NBEA: variants seen among roughly 807,000 people sequenced by gnomAD.
The protein encoded by NBEA is lysosomal-trafficking regulator 2.
Under a neutral mutation model 343.4 loss-of-function variants are expected in NBEA, and 44 were observed. That is an observed-to-expected ratio of 0.13 (90% confidence interval 0.10 to 0.16). The LOEUF (loss-of-function observed/expected upper bound fraction) is 0.16. Ranked by LOEUF, NBEA falls within the 10% of genes least tolerant of loss-of-function variation. NBEA has a pLI of 1.00. For missense variants in NBEA, 2,555 were observed against 3,631.3 expected, an observed-to-expected ratio of 0.70 and a Z score of 7.62; for synonymous variants, 1,175 against 1,238.7, an observed-to-expected ratio of 0.95 and a Z score of 1.08.
At chr13:35,228,598 G>A (rs752062945) in intron 33 of NBEA, among the ~76,000 whole-genome samples, 12 of 151,898 alleles carry the variant, frequency 7.9e-5, no homozygotes, top group Non-Finnish European at 1.2e-4. Flanking sequence ...ATGTCCATGT[G>A]TATACATCAT....
intron 44 of NBEA, among the ~76,000 whole-genome samples, chr13:35,562,537 T>G (rs2079907344): frequency 6.6e-6 from 1 of 152,056 alleles, no homozygotes; most frequent in South Asian, 2.1e-4. Context: ...TCAGCACAAC[T>G]TCTCCAACCC....
chr13:35,643,216 T>C (rs1386202794), intron 49 of NBEA, among the ~76,000 whole-genome samples: 1 of 152,072 alleles, frequency 6.6e-6, no homozygotes, highest in Non-Finnish European at 1.5e-5. Context: ...CTGTCCTTTT[T>C]CCAAAAGTCT....
At chr13:34,999,399 C>G (rs921067172) in intron 1 of NBEA, among the ~76,000 whole-genome samples, 4 of 152,116 alleles carry the variant, frequency 2.6e-5, no homozygotes, top group South Asian at 2.1e-4. Flanking sequence ...CTCTTTACCC[C>G]CTTACCTGAA....
At chr13:35,548,438 G>A (rs924876577) in intron 41 of NBEA, among the ~76,000 whole-genome samples, 4 of 152,148 alleles carry the variant, frequency 2.6e-5, no homozygotes, top group African/African-American at 7.2e-5. Context: ...GACTCTGTGT[G>A]TGTATACACA....
At chr13:35,163,597 T>A (rs918927547) in intron 23 of NBEA, among the ~76,000 whole-genome samples, 1 of 149,508 alleles carries the variant, frequency 6.7e-6, no homozygotes, top group Non-Finnish European at 1.5e-5. Flanking sequence ...CTAGCCTGGG[T>A]GACAGCAGAG....
At chr13:35,008,474 G>A (rs541134429) in intron 1 of NBEA, among the ~76,000 whole-genome samples, 29 of 152,208 alleles carry the variant, frequency 1.9e-4, no homozygotes, top group African/African-American at 7.0e-4. Context: ...TTACGAAATA[G>A]TGACTAGAAA....
At chr13:35,375,547 A>G (rs936092476) in intron 38 of NBEA, among the ~76,000 whole-genome samples, 1 of 152,136 alleles carries the variant, frequency 6.6e-6, no homozygotes, top group African/African-American at 2.4e-5. Context: ...TTAAACATAC[A>G]TATTTACAGA....
Position 35,667,461 on chromosome 13 carries a change from C to T in NBEA, c.8552C>T (p.Ser2851Phe), listed in dbSNP as rs1192962884. 5.0e-6 allele frequency: 8 copies of T among 1,613,816 alleles called. No homozygotes were observed. Among genetic ancestry groups the T allele is most frequent in the Non-Finnish European group, 6.8e-6 (8 of 1,179,700 alleles). ...AACTGCTTATTCCCACGCTTGATAT[C>T]TGTCTCCAGCGAAGGCCACTGTATC... ...PENCLFPRLI[S>F]VSSEGHCIIY... Residue 2851 changes from serine to phenylalanine, a missense_variant, in exon 57 of 59, where the codon TCT becomes TTT. Ser to Phe is a radical substitution (Grantham distance 155, BLOSUM62 -2). Around this residue, in one of 21 missense-constraint regions of NBEA, gnomAD observed 186 missense variants for 328.9 expected, o/e 0.57. Coordinates refer to ENST00000379939, the MANE Select transcript of NBEA (RefSeq NM_001385012.1).
chr13:35,595,501 T>G (rs982672287), intron 47 of NBEA, among the ~76,000 whole-genome samples: 1 of 152,070 alleles, frequency 6.6e-6, no homozygotes, highest in Non-Finnish European at 1.5e-5. Context: ...AGACTTCCCC[T>G]TTCTTTTTAA....
At chr13:35,256,012 A>G (rs186641464) in intron 34 of NBEA, among the ~76,000 whole-genome samples, 1 of 151,654 alleles carries the variant, frequency 6.6e-6, no homozygotes, top group Admixed American at 6.6e-5. Context: ...AGTGGAAAGG[A>G]TACCTGGAGT....
intron 41 of NBEA, among the ~76,000 whole-genome samples, chr13:35,484,232 A>G (rs530970374): frequency 1.3e-3 from 117 of 90,544 alleles, no homozygotes; most frequent in African/African-American, 4.2e-3. Context: ...ACCTACATTA[A>G]TATGTGTGTG....
intron 49 of NBEA, among the ~76,000 whole-genome samples, chr13:35,637,779 G>A (rs1176807107): frequency 5.9e-5 from 9 of 151,554 alleles, no homozygotes; most frequent in East Asian, 3.9e-4. Flanking sequence ...CTGAGATTGC[G>A]CCACTGCACT....
chr13:35,105,046 T>G (rs1456883377), intron 11 of NBEA, among the ~76,000 whole-genome samples: 1 of 151,920 alleles, frequency 6.6e-6, no homozygotes. Flanking sequence ...AGCAGGGAGC[T>G]TGGCAAGATT....
intron 1 of NBEA, among the ~76,000 whole-genome samples, chr13:35,024,938 A>T (rs2152544107): frequency 6.6e-6 from 1 of 152,154 alleles, no homozygotes; most frequent in Middle Eastern, 3.4e-3. Flanking sequence ...AGTTATGCTG[A>T]GCAAATATAC....
chr13:35,112,584 A>ATC (rs2066270985), intron 13 of NBEA, among the ~76,000 whole-genome samples: 1 of 152,156 alleles, frequency 6.6e-6, no homozygotes, highest in Non-Finnish European at 1.5e-5. Flanking sequence ...GTCTAAACAA[A>ATC]TCATATATTC....
At chr13:35,483,238 C>G (rs1352015444) in intron 41 of NBEA, among the ~76,000 whole-genome samples, 1 of 151,830 alleles carries the variant, frequency 6.6e-6, no homozygotes, top group African/African-American at 2.4e-5. Flanking sequence ...ATTTATGAAT[C>G]TGATTTACAG....
intron 45 of NBEA, among the ~76,000 whole-genome samples, chr13:35,568,531 A>G (rs983817436): frequency 1.3e-5 from 2 of 152,172 alleles, no homozygotes; most frequent in African/African-American, 4.8e-5. Flanking sequence ...GAACAAATCT[A>G]GTTATAGATT....
chr13:35,224,609 T>G (rs575919846), intron 33 of NBEA, among the ~76,000 whole-genome samples: 2 of 152,278 alleles, frequency 1.3e-5, no homozygotes, highest in East Asian at 3.9e-4. Context: ...TGTTTCTTCT[T>G]TACAGTTTCT....
intron 10 of NBEA, among the ~76,000 whole-genome samples, chr13:35,079,852 G>C (rs944336783): frequency 1.3e-5 from 2 of 151,936 alleles, no homozygotes; most frequent in African/African-American, 4.8e-5. Flanking sequence ...CATGGGATGT[G>C]GGCCCTTTTG....
Sources: gnomAD v4.1 joint callset for allele counts (sites outside exome capture counted in the v4.1 genomes callset) on GRCh38, gnomAD v4.1.1 for gene constraint, gnomAD v4.1.1 regional missense constraint, MANE v1.5 for transcripts, NCBI Gene and HGNC (gene_info 2026-07-23, HGNC 2026-07-21) for gene names.